Variants in AQP9 observed in about 807,000 individuals in gnomAD.
AQP9 encodes aquaporin-9.
A neutral mutation model predicts 23.8 loss-of-function variants in AQP9; 19 were observed. The ratio of observed to expected loss-of-function variants is 0.80; its 90% CI spans 0.56 to 1.17. The LOEUF (loss-of-function observed/expected upper bound fraction) is 1.17. AQP9 is among the 50% of genes most tolerant of loss of function. The probability of loss-of-function intolerance (pLI) is 0.00; values close to 1 mark genes in which losing one functional copy is unlikely to be tolerated. For missense variants in AQP9, 413 were observed against 362.0 expected (o/e 1.14, Z -1.14); for synonymous variants, 153 against 131.5 (o/e 1.16, Z -1.12).
At chr15:58,170,616 G>A (rs1898599410) in intron 2 of AQP9, among the ~76,000 whole-genome samples, 1 of 151,978 alleles carries the variant, frequency 6.6e-6, no homozygotes. Context: ...TGTTGGCCAG[G>A]ATTATCTTGA....
intron 1 of AQP9, among the ~76,000 whole-genome samples, chr15:58,144,665 C>T (rs773778241): frequency 6.6e-6 from 1 of 152,074 alleles, no homozygotes; most frequent in African/African-American, 2.4e-5. Flanking sequence ...GAAGATTACT[C>T]AGCATGTGCA....
chr15:58,178,483 T>A (rs550521273), intron 4 of AQP9, among the ~76,000 whole-genome samples: 81 of 152,366 alleles, frequency 5.3e-4, no homozygotes, highest in Non-Finnish European at 2.1e-4. Flanking sequence ...TCAAATTGTA[T>A]AAATAAATTT....
At chr15:58,142,423 C>T (rs570698108) in intron 1 of AQP9, among the ~76,000 whole-genome samples, 1 of 152,320 alleles carries the variant, frequency 6.6e-6, no homozygotes, top group Non-Finnish European at 1.5e-5. Flanking sequence ...GTTTAAAATA[C>T]ATTAGCAGTG....
At chr15:58,164,926 AT>A (rs1898466246) in intron 1 of AQP9, among the ~76,000 whole-genome samples, 1 of 152,122 alleles carries the variant, frequency 6.6e-6, no homozygotes, top group Non-Finnish European at 1.5e-5. Flanking sequence ...AGACTCTTCC[AT>A]TTTCAGCTCT....
chr15:58,172,908 GATACACACTCTCTCTTTCACGTGC>G (rs1207804291), intron 2 of AQP9, among the ~76,000 whole-genome samples, 136 bp from the exon 3 acceptor site: 1 of 152,132 alleles, frequency 6.6e-6, no homozygotes, highest in African/African-American at 2.4e-5. Flanking sequence ...TCCCTGCTCA[GATACACACTCTCTCTTTCACGTGC>G]ATACACACCC....
chr15:58,172,234 C>G (rs181952459), intron 2 of AQP9, among the ~76,000 whole-genome samples: 160 of 152,330 alleles, frequency 1.1e-3, no homozygotes, highest in Non-Finnish European at 1.9e-3. Flanking sequence ...CATCCGTTAA[C>G]TGGAGTAGTA....
intron 5 of AQP9, 96 bp from the exon 6 acceptor site, chr15:58,183,865 T>G: frequency 2.9e-6 from 4 of 1,375,256 alleles, no homozygotes; most frequent in Non-Finnish European, 4.1e-6. Flanking sequence ...GAGGGAACCA[T>G]GAGTGTGAGA....
intron 5 of AQP9, 106 bp from the exon 6 acceptor site, chr15:58,183,855 G>T: frequency 7.6e-7 from 1 of 1,322,220 alleles, no homozygotes; most frequent in East Asian, 2.3e-5. Flanking sequence ...GCTGAGTTAA[G>T]AGGGAACCAT....
intron 2 of AQP9, among the ~76,000 whole-genome samples, chr15:58,167,777 C>A (rs1378360110): frequency 1.3e-5 from 2 of 152,016 alleles, no homozygotes; most frequent in African/African-American, 4.8e-5. Flanking sequence ...GGCTGGAGCA[C>A]AATGGCACGA....
At chr15:58,139,946 A>G (rs1897924120) in intron 1 of AQP9, among the ~76,000 whole-genome samples, 1 of 152,142 alleles carries the variant, frequency 6.6e-6, no homozygotes, top group Non-Finnish European at 1.5e-5. Flanking sequence ...TCTAACTAAA[A>G]TAAAAGAAAT....
intron 4 of AQP9, among the ~76,000 whole-genome samples, chr15:58,178,147 T>G (rs2140632244): frequency 6.6e-6 from 1 of 152,290 alleles, no homozygotes; most frequent in East Asian, 1.9e-4. Flanking sequence ...TATTGGGGAC[T>G]TGAACATCCA....
intron 2 of AQP9, among the ~76,000 whole-genome samples, chr15:58,172,787 C>G (rs896457361): frequency 6.6e-6 from 1 of 152,174 alleles, no homozygotes; most frequent in Non-Finnish European, 1.5e-5. Flanking sequence ...ATTAAAAAAA[C>G]AGCCACTTGA....
chr15:58,184,140 A>T lies in AQP9; in HGVS notation c.*5A>T. The T allele has an allele frequency of 6.2e-7, 1 of 1,613,312 alleles. No homozygotes were observed. Among genetic ancestry groups the T allele is most frequent in the Non-Finnish European group, 8.5e-7 (1 of 1,179,436 alleles). ...GAACTCAGTGTCATCATGTAGTGGCATGCTCAGCTCTGGATTTGCAGTCAG... is the reference window on the plus strand; with the variant it reads ...GAACTCAGTGTCATCATGTAGTGGCTTGCTCAGCTCTGGATTTGCAGTCAG... On this transcript the variant is annotated 3_prime_UTR_variant, in exon 6 of 6. Coordinates refer to ENST00000219919, the MANE Select transcript of AQP9 (RefSeq NM_020980.5).
At chr15:58,171,091 A>ATTT (rs3985731) in intron 2 of AQP9, among the ~76,000 whole-genome samples, 156 of 137,138 alleles carry the variant, frequency 1.1e-3, no homozygotes, top group African/African-American at 2.7e-3. Context: ...CGCCCAACTA[A>ATTT]TTTTTTTTTT....
Position 58,184,083 on chromosome 15 carries a change from C to T in AQP9, c.836C>T (p.Thr279Ile), listed in dbSNP as rs1898955806. 2 of 1,613,932 alleles carry T rather than the reference C, an allele frequency of 1.2e-6. No individual in the cohort carries two copies. The highest frequency in any genetic ancestry group is 1.3e-5 in the African/African-American group (1 of 74,880). Residue 279 changes from threonine to isoleucine, a missense_variant, in exon 6 of 6, where the codon ACA (threonine) becomes ATA (isoleucine). Physicochemically the swap from Thr to Ile is moderately conservative, Grantham distance 89 (BLOSUM62 -1). Coordinates refer to ENST00000219919, the MANE Select transcript of AQP9 (RefSeq NM_020980.5). The part of the protein sequence containing the change: ...HHPEPDSVFK[T>I]EQSEDKPEKY... ...CCAGAGCCTGACTCAGTCTTTAAGA[C>T]AGAACAATCTGAGGACAAACCAGAG...
chr15:58,151,830 T>A (rs1898156512), intron 1 of AQP9: 1 of 152,134 alleles, frequency 6.6e-6, no homozygotes, highest in South Asian at 2.1e-4. Context: ...TCAATAGTAC[T>A]TGCAGAGGTA....
intron 5 of AQP9, among the ~76,000 whole-genome samples, chr15:58,181,810 AAGTAG>A (rs1898894307): frequency 6.6e-6 from 1 of 152,126 alleles, no homozygotes; most frequent in Admixed American, 6.5e-5. Context: ...GAGAGTGGGG[AAGTAG>A]AAACCCATTA....
At chr15:58,163,780 A>AT (rs1183712695) in intron 1 of AQP9, among the ~76,000 whole-genome samples, 1 of 152,096 alleles carries the variant, frequency 6.6e-6, no homozygotes, top group African/African-American at 2.4e-5. Flanking sequence ...CAGTTCTCTC[A>AT]TTTTTGGAGG....
intron 2 of AQP9, 91 bp from the exon 3 acceptor site, chr15:58,172,977 G>A: frequency 1.3e-6 from 2 of 1,532,018 alleles, no homozygotes; most frequent in South Asian, 1.2e-5. Flanking sequence ...TCTCTGCCTA[G>A]AAGACTGAAT....
Sources: allele counts gnomAD v4.1 joint callset (sites outside exome capture counted in the v4.1 genomes callset), GRCh38; gene constraint gnomAD v4.1.1; transcripts MANE v1.5; gene names NCBI Gene and HGNC (gene_info 2026-07-23, HGNC 2026-07-21).